Variants in SLC12A7 observed in about 807,000 individuals in gnomAD.
SLC12A7 encodes the protein solute carrier family 12 member 7.
A neutral mutation model predicts 120.6 loss-of-function variants in SLC12A7; 100 were observed. The ratio of observed to expected loss-of-function variants is 0.83; its 90% CI spans 0.71 to 0.98. The LOEUF (loss-of-function observed/expected upper bound fraction) is 0.98, where lower values mean the gene tolerates loss of function less well. SLC12A7 is among the 50% of genes least tolerant of loss of function. The pLI, the probability that SLC12A7 is intolerant of heterozygous loss-of-function variation, is 0.00. For synonymous variants in SLC12A7, 760 were observed against 678.0 expected (o/e 1.12, Z -1.88); for missense variants, 1,373 against 1,548.1 (o/e 0.89, Z 1.90).
At chr5:1,131,190 T>C in the SLC12A7 span, among the ~76,000 whole-genome samples, 3 of 152,080 alleles carry the variant, frequency 2.0e-5, no homozygotes, top group Non-Finnish European at 4.4e-5. Context: ...CGGGGACACG[T>C]GGGGACACGC....
At chr5:1,150,158 AC>A in the SLC12A7 span, among the ~76,000 whole-genome samples, 1 of 152,070 alleles carries the variant, frequency 6.6e-6, no homozygotes, top group Admixed American at 6.6e-5. Context: ...CTGGGTATGA[AC>A]CCCTCATCAG....
At chr5:1,139,540 C>T in the SLC12A7 span, among the ~76,000 whole-genome samples, 4 of 152,378 alleles carry the variant, frequency 2.6e-5, no homozygotes, top group South Asian at 2.1e-4. Context: ...TGCCACATGC[C>T]GGAACCTGGA....
intron 21 of SLC12A7, among the ~76,000 whole-genome samples, chr5:1,059,296 G>A (rs1454288459): frequency 6.6e-6 from 1 of 152,216 alleles, no homozygotes; most frequent in Non-Finnish European, 1.5e-5. Context: ...TCTCTGTTGG[G>A]GGAGAGCAGC....
intron 17 of SLC12A7, among the ~76,000 whole-genome samples, chr5:1,066,047 GGGT>G (rs1737015612): frequency 6.6e-6 from 1 of 152,144 alleles, no homozygotes; most frequent in Non-Finnish European, 1.5e-5. Flanking sequence ...TGACTCCATG[GGGT>G]TTGCACGTGC....
At position 1,079,603 on chromosome 5, in the gene SLC12A7, C is replaced by A. The variant is rs570619471; in HGVS notation, c.1298-107G>T. On this transcript the variant is annotated intron_variant, in intron 9 of 23. Coordinates refer to ENST00000264930, the MANE Select transcript of SLC12A7 (RefSeq NM_006598.3). ...AGGCGGTCTCTGGGGAGACCCCGAGCGTGAGCTGCAGCCGAGGCTGCAGTC... is the reference window on the plus strand; with the variant it reads ...AGGCGGTCTCTGGGGAGACCCCGAGAGTGAGCTGCAGCCGAGGCTGCAGTC... The A allele has an allele frequency of 1.1e-3, 966 of 876,312 alleles. 2 individuals are homozygous for A. The highest frequency in any genetic ancestry group is 9.2e-4 in the Non-Finnish European group (495 of 537,722). The allele number at this position is 876,312 out of a possible 1,614,324, so 54.3% of individuals were successfully genotyped here. A position where few individuals can be genotyped will look rare whatever the true frequency, so the allele number is the denominator to read the frequency against.
chr5:1,154,044 G>A, the SLC12A7 span, among the ~76,000 whole-genome samples: 1 of 151,992 alleles, frequency 6.6e-6, no homozygotes, highest in Admixed American at 6.6e-5. Flanking sequence ...ACACGCATGT[G>A]TTCCCAACCC....
chr5:1,120,909 C>T, the SLC12A7 span, among the ~76,000 whole-genome samples: 14 of 152,352 alleles, frequency 9.2e-5, no homozygotes, highest in Middle Eastern at 3.4e-3. Flanking sequence ...CACGCTTCGA[C>T]GCGAAGGGCT....
intron 3 of SLC12A7, among the ~76,000 whole-genome samples, chr5:1,092,387 C>T (rs1052267764): frequency 6.6e-6 from 1 of 152,178 alleles, no homozygotes; most frequent in Non-Finnish European, 1.5e-5. Flanking sequence ...TGGTGGAGGT[C>T]ACACGCAGCA....
the SLC12A7 span, among the ~76,000 whole-genome samples, chr5:1,148,120 A>T: frequency 2.6e-5 from 4 of 151,896 alleles, no homozygotes; most frequent in African/African-American, 9.7e-5. Flanking sequence ...TTTCTGGGCC[A>T]TGGTCACTCA....
Position 1,051,158 on chromosome 5 carries a change from C to T in SLC12A7, c.*1202G>A, listed in dbSNP as rs1029459790. ...CAGAAACTCACAGCCAGCCGAAGTG[C>T]AAAGTGTTGGGCCCTTGAAAGCTAT... On this transcript the variant is annotated 3_prime_UTR_variant, in exon 24 of 24. Coordinates refer to ENST00000264930, the MANE Select transcript of SLC12A7 (RefSeq NM_006598.3). The T allele has an allele frequency of 7.7e-6, 3 of 387,438 alleles. No homozygotes were observed. Among genetic ancestry groups the T allele is most frequent in the Non-Finnish European group, 9.1e-6 (2 of 219,584 alleles). 24.0% of individuals were successfully genotyped at this position (387,438 alleles called of 1,614,324 possible).
At chr5:1,152,023 T>C in the SLC12A7 span, among the ~76,000 whole-genome samples, 144 of 152,284 alleles carry the variant, frequency 9.5e-4, no homozygotes, top group African/African-American at 3.1e-3. Flanking sequence ...CTGGAGCCTC[T>C]GGAACCATCT....
intron 7 of SLC12A7, among the ~76,000 whole-genome samples, chr5:1,084,362 C>G (rs1739573270): frequency 1.3e-5 from 2 of 152,220 alleles, no homozygotes; most frequent in Non-Finnish European, 2.9e-5. Context: ...CAACCTCCCC[C>G]CGCGCCAGCA....
chr5:1,086,938 C>G lies in SLC12A7; in HGVS notation c.640G>C (p.Ala214Pro). Residue 214 changes from alanine (A) to proline (P), a missense_variant, in exon 6 of 24, where the codon GCC becomes CCC. Coordinates refer to ENST00000264930, the MANE Select transcript of SLC12A7 (RefSeq NM_006598.3). ...CFYLGTTFAG[A>P]MYILGTIEIF... ...TCGATGGTCCCCAAAATATACATGG[C>G]CCCTGCAAACGTCGTGCCCAGGTAG... is the stretch of plus-strand genomic sequence containing the variant. 6.2e-7 allele frequency: 1 copy of G among 1,612,900 alleles called. No individual in the cohort carries two copies. Among genetic ancestry groups the G allele is most frequent in the Non-Finnish European group, 8.5e-7 (1 of 1,179,988 alleles).
intron 2 of SLC12A7, 48 bp downstream of exon 2, chr5:1,094,106 A>T: frequency 2.6e-6 from 4 of 1,522,142 alleles, no homozygotes; most frequent in Non-Finnish European, 3.6e-6. Flanking sequence ...ACTTTTCCAC[A>T]TCAAAGCAAC....
At position 1,052,392 on chromosome 5, in the gene SLC12A7, C is replaced by G. The variant is rs751175518; in HGVS notation, c.3220G>C (p.Gly1074Arg). 1.2e-6 allele frequency: 2 copies of G among 1,612,918 alleles called. No individual in the cohort carries two copies. The highest frequency in any genetic ancestry group is 1.7e-6 in the Non-Finnish European group (2 of 1,180,000). The part of the protein sequence containing the change: ...GLNRVLLVRG[G>R]GREVITIYS ...TAGATGGTGATCACCTCCCGGCCGC[C>G]ACCCCTGACCAGGAGGACTCTGTTC... Residue 1074 changes from glycine to arginine, a missense_variant, in exon 24 of 24, where the codon GGC becomes CGC. Physicochemically the swap from Gly to Arg is moderately radical, Grantham distance 125 (BLOSUM62 -2). Transcript: ENST00000264930.
chr5:1,095,982 G>A (rs969652055), intron 1 of SLC12A7, among the ~76,000 whole-genome samples: 6 of 152,166 alleles, frequency 3.9e-5, no homozygotes, highest in African/African-American at 1.2e-4. Flanking sequence ...CCTCAAAAAC[G>A]TCAGGGAGAC....
At chr5:1,105,766 C>T (rs746592052) in intron 1 of SLC12A7, among the ~76,000 whole-genome samples, 2 of 152,222 alleles carry the variant, frequency 1.3e-5, no homozygotes, top group Non-Finnish European at 2.9e-5. Flanking sequence ...GAGACCAGCC[C>T]CCCATGTCAG....
At chr5:1,144,550 C>G in the SLC12A7 span, among the ~76,000 whole-genome samples, 6 of 152,188 alleles carry the variant, frequency 3.9e-5, no homozygotes, top group African/African-American at 1.4e-4. Context: ...GTGGAGGGCA[C>G]GGTGAGGTCA....
the SLC12A7 span, among the ~76,000 whole-genome samples, chr5:1,126,237 G>A: frequency 2.6e-5 from 4 of 152,156 alleles, no homozygotes; most frequent in Non-Finnish European, 4.4e-5. Context: ...ACAGGCATGG[G>A]CCACCATGCC....
Sources: gnomAD v4.1 joint callset for allele counts (sites outside exome capture counted in the v4.1 genomes callset) on GRCh38, gnomAD v4.1.1 for gene constraint, MANE v1.5 for transcripts, NCBI Gene and HGNC (gene_info 2026-07-23, HGNC 2026-07-21) for gene names.